The following PHLDB3 variants were observed in gnomAD, a reference collection of about 807,000 sequenced individuals.
The protein encoded by PHLDB3 is pleckstrin homology-like domain family B member 3.
Under a neutral mutation model 85.7 loss-of-function variants are expected in PHLDB3, and 86 were observed. That is an observed-to-expected ratio of 1.00 (90% confidence interval 0.84 to 1.20). PHLDB3 has a LOEUF of 1.20. Among genes scored for constraint, PHLDB3 ranks in the 50% most tolerant of loss-of-function variants. The probability of loss-of-function intolerance (pLI) is 0.00; values close to 1 mark genes in which losing one functional copy is unlikely to be tolerated. For synonymous variants in PHLDB3, 376 were observed against 349.8 expected (o/e 1.07, Z -0.83); for missense variants, 995 against 873.0 (o/e 1.14, Z -1.76).
At chr19:43,493,889 A>G (rs989133953) in intron 9 of PHLDB3, among the ~76,000 whole-genome samples, 2 of 151,944 alleles carry the variant, frequency 1.3e-5, no homozygotes, top group Admixed American at 1.3e-4. Context: ...CAGATTTGGG[A>G]TTTTTTTTCA....
At chr19:43,502,028 A>C in intron 3 of PHLDB3, 73 bp downstream of exon 3, 2 of 1,516,524 alleles carry the variant, frequency 1.3e-6, no homozygotes, top group South Asian at 1.2e-5. Context: ...CACCCGAGGA[A>C]AAAGCTGGGA....
rs144064925 is a variant in PHLDB3 at position 43,487,666 on chromosome 19, C to T, written c.1150-543G>A. Among the ~76,000 whole-genome samples the T allele has an allele frequency of 4.3e-3, 658 of 151,486 alleles. 7 individuals carry two copies. Among genetic ancestry groups the T allele is most frequent in the African/African-American group, 0.014 (598 of 41,286 alleles). On this transcript the variant is annotated intron_variant, in intron 9 of 15. Coordinates refer to ENST00000292140, the MANE Select transcript of PHLDB3 (RefSeq NM_198850.4). ...AATGGGAAGTAGAATTGTGGTTGCC[C>T]GGACTGGGGTAGATCGGGGAACCGA...
At chr19:43,489,052 G>A (rs968544391) in intron 9 of PHLDB3, among the ~76,000 whole-genome samples, 2 of 152,028 alleles carry the variant, frequency 1.3e-5, no homozygotes, top group African/African-American at 2.4e-5. Context: ...CACCTGCCTC[G>A]GCCTCCCAAA....
At chr19:43,482,566 T>G (rs924487540) in intron 13 of PHLDB3, among the ~76,000 whole-genome samples, 1 of 152,106 alleles carries the variant, frequency 6.6e-6, no homozygotes, top group Non-Finnish European at 1.5e-5. Flanking sequence ...TGAGACAGAG[T>G]CTCGCTCTGT....
At chr19:43,496,981 C>T in intron 6 of PHLDB3, 137 bp downstream of exon 6, 1 of 1,199,706 alleles carries the variant, frequency 8.3e-7, no homozygotes. Context: ...GTAAATGTTT[C>T]ATTAGTATCA....
intron 15 of PHLDB3, among the ~76,000 whole-genome samples, chr19:43,476,242 C>A (rs952162387): frequency 2.0e-5 from 3 of 152,220 alleles, no homozygotes; most frequent in African/African-American, 7.2e-5. Context: ...TATTTGAGTA[C>A]CCACTTGCCA....
At chr19:43,500,909 A>ACCCCCCCCCC (rs1248570317) in intron 4 of PHLDB3, among the ~76,000 whole-genome samples, 4 of 17,152 alleles carry the variant, frequency 2.3e-4, no homozygotes, top group Non-Finnish European at 3.9e-4. Flanking sequence ...CGCCCCCCGT[A>ACCCCCCCCCC]CCCCCCCCCC....
chr19:43,504,448 A>T (rs1322317488), intron 1 of PHLDB3, 141 bp downstream of exon 1: 6 of 425,754 alleles, frequency 1.4e-5, no homozygotes, highest in Non-Finnish European at 2.5e-5. Context: ...GCAGCCCCCT[A>T]CAATCTCTTG....
chr19:43,497,181 G>T lies in PHLDB3; in HGVS notation c.762C>A (p.Ser254Arg). The T allele has an allele frequency of 6.4e-7, 1 of 1,567,658 alleles. No individual in the cohort carries two copies. ...ESRQEEEDRD[S>R]PGPQVPDPKV... Reference sequence around the variant, plus strand: ...TGGGGTCTGGCACCTGGGGCCCAGGGCTGTCCCGATCCTCCTCCTCCTGCC... The same window carrying T: ...TGGGGTCTGGCACCTGGGGCCCAGGTCTGTCCCGATCCTCCTCCTCCTGCC... Residue 254 changes from serine to arginine, a missense_variant, in exon 6 of 16, where the codon AGC becomes AGA. Transcript: ENST00000292140.
chr19:43,500,923 C>CA (rs532986825), intron 4 of PHLDB3, among the ~76,000 whole-genome samples: 38 of 105,856 alleles, frequency 3.6e-4, no homozygotes, highest in Non-Finnish European at 5.2e-4. Flanking sequence ...CCCCCCCACC[C>CA]CGCAAGTACT....
chr19:43,486,311 T>G lies in PHLDB3; in HGVS notation c.1440A>C (p.Arg480Ser). 2 of 1,607,208 alleles carry G rather than the reference T, an allele frequency of 1.2e-6. No homozygotes were observed. The highest frequency in any genetic ancestry group is 1.7e-6 in the Non-Finnish European group (2 of 1,177,278). ...ERLLKAREGT[R>S]RGTEGSSGPA... is the part of the protein sequence containing the mutation. ...GGCCTGAGGAACCTTCCGTGCCCCT[T>G]CTTGTTCCTTCCTGTGGATTCAGGA... The change falls in exon 13 of 16, where the codon AGA becomes AGC. Residue 480 changes from arginine to serine, a missense_variant. Transcript: ENST00000292140.
intron 9 of PHLDB3, among the ~76,000 whole-genome samples, chr19:43,492,044 C>A (rs542706482): frequency 6.6e-6 from 1 of 151,512 alleles, no homozygotes; most frequent in South Asian, 2.1e-4. Context: ...CAACCTCCGC[C>A]TTCCGGGTTC....
intron 13 of PHLDB3, among the ~76,000 whole-genome samples, chr19:43,481,055 A>G (rs1348054067): frequency 6.6e-6 from 1 of 152,160 alleles, no homozygotes; most frequent in African/African-American, 2.4e-5. Flanking sequence ...AAAATGTTAA[A>G]ATGCAGACTC....
At position 43,476,074 on chromosome 19, in the gene PHLDB3, C is replaced by T. The variant is rs566737796; in HGVS notation, c.1789-530G>A. 2.2e-3 allele frequency among the ~76,000 whole-genome samples: 340 copies of T among 152,286 alleles called. 2 individuals are homozygous for T. Among genetic ancestry groups the T allele is most frequent in the African/African-American group, 7.9e-3 (327 of 41,560 alleles). On this transcript the variant is annotated intron_variant, in intron 15 of 15. Coordinates refer to ENST00000292140, the MANE Select transcript of PHLDB3 (RefSeq NM_198850.4). ...CCTCCCAGAGTGCTGGGCTTACAGG[C>T]GTGAGCCACTGTGCCAGGCCGAGAA...
intron 9 of PHLDB3, among the ~76,000 whole-genome samples, chr19:43,488,361 G>T (rs567952870): frequency 5.3e-5 from 8 of 152,034 alleles, no homozygotes; most frequent in Non-Finnish European, 1.2e-4. Context: ...GGAGGCTGAC[G>T]TGGAAGGATC....
intron 2 of PHLDB3, among the ~76,000 whole-genome samples, chr19:43,502,537 C>A (rs1971637226): frequency 6.6e-6 from 1 of 150,640 alleles, no homozygotes; most frequent in African/African-American, 2.4e-5. Context: ...CAGCATCGAC[C>A]TCCCTCGCTC....
At chr19:43,479,857 G>C (rs1448167211) in intron 13 of PHLDB3, among the ~76,000 whole-genome samples, 3 of 152,110 alleles carry the variant, frequency 2.0e-5, no homozygotes, top group African/African-American at 7.2e-5. Flanking sequence ...ATGAGGTACA[G>C]AGAGATGACA....
rs538576497 is a variant in PHLDB3 at position 43,489,263 on chromosome 19, A to C, written c.1150-2140T>G. Among the ~76,000 whole-genome samples the C allele has an allele frequency of 2.6e-5, 4 of 151,978 alleles. No homozygotes were observed. In the South Asian group the frequency reaches 8.4e-4, roughly 32 times the overall value. Reference sequence around the variant, plus strand: ...GCACCTGTAGTCCCAGCTACTCAGGAGGCTGAGGTGGGAGGATCACTTGAG... The same window carrying C: ...GCACCTGTAGTCCCAGCTACTCAGGCGGCTGAGGTGGGAGGATCACTTGAG... On this transcript the variant is annotated intron_variant, in intron 9 of 15. Transcript: ENST00000292140.
intron 13 of PHLDB3, among the ~76,000 whole-genome samples, chr19:43,484,799 A>G (rs903205337): frequency 6.6e-6 from 1 of 152,134 alleles, no homozygotes; most frequent in African/African-American, 2.4e-5. Flanking sequence ...TTCAGTGCAG[A>G]GTGGGATGTA....
Sources: allele counts gnomAD v4.1 joint callset (sites outside exome capture counted in the v4.1 genomes callset), GRCh38; gene constraint gnomAD v4.1.1; transcripts MANE v1.5; gene names NCBI Gene and HGNC (gene_info 2026-07-23, HGNC 2026-07-21).